Variants in EEF1B2 observed in about 807,000 individuals in gnomAD.
EEF1B2 encodes the protein eukaryotic translation elongation factor 1 beta 2.
A neutral mutation model predicts 28.3 loss-of-function variants in EEF1B2; 12 were observed. That is an observed-to-expected ratio of 0.42 (90% CI 0.27 to 0.69). EEF1B2 has a LOEUF of 0.69. Ranked by LOEUF, EEF1B2 falls within the 30% of genes least tolerant of loss-of-function variation. The pLI is 0.22. For synonymous variants in EEF1B2, 83 were observed against 99.9 expected (o/e 0.83, Z 1.01); for missense variants, 234 against 272.6 (o/e 0.86, Z 1.00).
chr2:206,160,493 G>T, intron 1 of EEF1B2, 95 bp from the exon 2 acceptor site: 3 of 1,593,700 alleles, frequency 1.9e-6, no homozygotes, highest in East Asian at 4.5e-5. Context: ...TGGGGTTAGT[G>T]CCCACTAATT....
At chr2:206,161,133 G>A in intron 2 of EEF1B2, 1 of 614,184 alleles carries the variant, frequency 1.6e-6, no homozygotes, top group Non-Finnish European at 2.8e-6. Context: ...GTAAATCATA[G>A]TGAGTATTGA....
intron 4 of EEF1B2, 63 bp downstream of exon 4, chr2:206,162,167 C>G (rs1018259786): frequency 6.6e-7 from 1 of 1,517,184 alleles, no homozygotes; most frequent in African/African-American, 1.4e-5. Flanking sequence ...AAAGCTTGAC[C>G]TTGAAGTAAT....
chr2:206,162,774 AGTGT>A lies in EEF1B2; in HGVS notation c.572_575del (p.Cys191Ter). The stretch of plus-strand genomic sequence containing the variant: ...TACGGAATTAAGAAACTTCAAATAC[AGTGT>A]GTAGTTGAAGATGATAAAGTTGGAA... On this transcript the variant is annotated frameshift_variant, in exon 6 of 6. Transcript: ENST00000392222. LOFTEE classifies it high-confidence loss of function. 1.2e-6 allele frequency: 2 copies of A among 1,612,742 alleles called. No homozygotes were observed. Among genetic ancestry groups the A allele is most frequent in the Non-Finnish European group, 8.5e-7 (1 of 1,180,020 alleles).
At chr2:206,159,729 G>A, upstream of EEF1B2, 1 of 400,882 alleles carries the variant, frequency 2.5e-6, no homozygotes, top group Non-Finnish European at 4.5e-6. Context: ...ACTTCCAAAC[G>A]CAACGAAAGG....
rs147339522 is a variant in EEF1B2 at position 206,161,480 on chromosome 2, G to A, written c.330+8G>A. 4.2e-4 allele frequency: 681 copies of A among 1,613,404 alleles called. 2 individuals carry two copies. In the African/African-American group the frequency reaches 5.0e-3, roughly 12 times the overall value. ...GGATCTGATGATGAGGAGGTATGGC[G>A]TCTTCTATAAAGAACATATCGGCCA... On this transcript the variant is annotated splice_region_variant and intron_variant, in intron 3 of 5. Coordinates refer to ENST00000392222, the MANE Select transcript of EEF1B2 (RefSeq NM_001959.4).
intron 4 of EEF1B2, 112 bp from the exon 5 acceptor site, chr2:206,162,377 G>C (rs1687959908): frequency 6.5e-7 from 1 of 1,542,072 alleles, no homozygotes. Context: ...CTGTAGTTTT[G>C]TTTGGCTAAG....
At chr2:206,159,728 C>T (rs1687840490), upstream of EEF1B2, 3 of 402,816 alleles carry the variant, frequency 7.4e-6, no homozygotes, top group Non-Finnish European at 9.0e-6. Flanking sequence ...TACTTCCAAA[C>T]GCAACGAAAG....
In EEF1B2 at chr2:206,161,465, A is replaced by T. The variant is rs766587437; in HGVS notation, c.323A>T (p.Asp108Val). ...GACATTGACCTCTTTGGATCTGATGATGAGGAGGTATGGCGTCTTCTATAA... is the reference window on the plus strand; with the variant it reads ...GACATTGACCTCTTTGGATCTGATGTTGAGGAGGTATGGCGTCTTCTATAA... ...DDDIDLFGSD[D>V]EEESEEAKRL... The change falls in exon 3 of 6, where the codon GAT (aspartate) becomes GTT (valine). Residue 108 changes from aspartate (D) to valine (V), a missense_variant. This residue lies in a region of EEF1B2 where 178 missense variants were observed against 173.3 expected (regional missense o/e 1.03). Coordinates refer to ENST00000392222, the MANE Select transcript of EEF1B2 (RefSeq NM_001959.4). 1.2e-6 allele frequency: 2 copies of T among 1,613,752 alleles called. No homozygotes were observed. Among genetic ancestry groups the T allele is most frequent in the Admixed American group, 3.3e-5 (2 of 59,980 alleles).
In EEF1B2 at chr2:206,161,081, A is replaced by G. The variant is rs1453867560; in HGVS notation, c.204-265A>G. ...CAGTTCACTAAGAATGGAACTGAGCATACTTAATGAAATCTCAAACAGAAA... is the reference window on the plus strand; with the variant it reads ...CAGTTCACTAAGAATGGAACTGAGCGTACTTAATGAAATCTCAAACAGAAA... On this transcript the variant is annotated intron_variant, in intron 2 of 5. Transcript: ENST00000392222. 5.3e-6 allele frequency: 3 copies of G among 570,534 alleles called. No individual in the cohort carries two copies. The East Asian group carries it at 9.9e-5, about 19-fold the overall frequency. The allele number at this position is 570,534 out of a possible 1,614,324, so 35.3% of individuals were successfully genotyped here.
At chr2:206,160,936 A>T (rs141966094) in intron 2 of EEF1B2, 1 of 755,322 alleles carries the variant, frequency 1.3e-6, no homozygotes. Flanking sequence ...TGCCCTGCCA[A>T]TGTGCCTCGA....
intron 1 of EEF1B2, 101 bp downstream of exon 1, chr2:206,160,160 G>GA: frequency 7.7e-7 from 1 of 1,290,358 alleles, no homozygotes; most frequent in African/African-American, 3.6e-5. Context: ...GAGGGAGGCC[G>GA]GGCCCGGGGC....
chr2:206,159,835 C>G, upstream of EEF1B2: 1 of 853,838 alleles, frequency 1.2e-6, no homozygotes, highest in Non-Finnish European at 1.8e-6. Flanking sequence ...ACCTTCGGTC[C>G]GGCGCGGTGG....
At chr2:206,161,123 G>C in intron 2 of EEF1B2, 2 of 602,206 alleles carry the variant, frequency 3.3e-6, no homozygotes, top group Non-Finnish European at 5.8e-6. Context: ...TACTGAAAGA[G>C]TAAATCATAG....
rs1687850702 is a variant in EEF1B2 at position 206,159,911 on chromosome 2, A to G, written c.-69A>G. 8.9e-6 allele frequency: 14 copies of G among 1,573,176 alleles called. No homozygotes were observed. The highest frequency in any genetic ancestry group is 1.1e-5 in the Non-Finnish European group (13 of 1,158,468). The stretch of plus-strand genomic sequence containing the variant: ...TCTTCGGGTCCTTTTTCCTCTCTTC[A>G]GCGTGGGGCGCCCACAATTTGCGCG... On this transcript the variant is annotated 5_prime_UTR_variant, in exon 1 of 6. Coordinates refer to ENST00000392222, the MANE Select transcript of EEF1B2 (RefSeq NM_001959.4).
chr2:206,162,432 G>GA (rs2105787204), intron 4 of EEF1B2, 57 bp from the exon 5 acceptor site: 2 of 1,608,536 alleles, frequency 1.2e-6, no homozygotes, highest in African/African-American at 1.3e-5. Flanking sequence ...TTGTGTCTTG[G>GA]AGTAGGGTGA....
intron 4 of EEF1B2, 138 bp from the exon 5 acceptor site, chr2:206,162,351 C>A: frequency 7.1e-7 from 1 of 1,409,542 alleles, no homozygotes; most frequent in Non-Finnish European, 1.0e-6. Context: ...ATATGTGTGA[C>A]AGACACAAGA....
chr2:206,162,682 T>C (rs769978460), intron 5 of EEF1B2, 47 bp from the exon 6 acceptor site: 1 of 1,557,064 alleles, frequency 6.4e-7, no homozygotes, highest in Non-Finnish European at 8.6e-7. Context: ...TTTCAACCTT[T>C]CCTACAAGAC....
At chr2:206,162,009 T>C in intron 3 of EEF1B2, 29 bp from the exon 4 acceptor site, 2 of 1,603,102 alleles carry the variant, frequency 1.2e-6, no homozygotes, top group Middle Eastern at 1.7e-4. Flanking sequence ...ACCAGCTTTC[T>C]GAAGTGGATT....
intron 1 of EEF1B2, 85 bp downstream of exon 1, chr2:206,160,144 G>A: frequency 7.0e-7 from 1 of 1,436,842 alleles, no homozygotes; most frequent in Non-Finnish European, 9.2e-7. Flanking sequence ...CGGCTGCCGC[G>A]GGAGGGAGGG....
Sources: allele counts gnomAD v4.1 joint callset, GRCh38; gene constraint gnomAD v4.1.1; regional missense constraint gnomAD v4.1.1; transcripts MANE v1.5; gene names NCBI Gene and HGNC (gene_info 2026-07-23, HGNC 2026-07-21).